Variants in ZFYVE28 observed in about 807,000 individuals in gnomAD.
The protein encoded by ZFYVE28 is zinc finger FYVE-type containing 28.
A neutral mutation model predicts 82.1 loss-of-function variants in ZFYVE28; 40 were observed. The ratio of observed to expected loss-of-function variants is 0.49; its 90% CI spans 0.38 to 0.63. The LOEUF (loss-of-function observed/expected upper bound fraction) is 0.63. Among genes scored for constraint, ZFYVE28 ranks in the 30% least tolerant of loss-of-function variants. The pLI is 0.00. For missense variants in ZFYVE28, 1,321 were observed against 1,242.1 expected (o/e 1.06, Z -0.96); for synonymous variants, 612 against 546.1 (o/e 1.12, Z -1.68).
At chr4:2,277,208 G>C (rs1046109632) in intron 8 of ZFYVE28, among the ~76,000 whole-genome samples, 14 of 152,234 alleles carry the variant, frequency 9.2e-5, no homozygotes, top group African/African-American at 3.4e-4. Context: ...CGCCGGGCGT[G>C]GTGGCTCATG....
In ZFYVE28 at chr4:2,270,568, C is replaced by A. The variant is rs1002537321; in HGVS notation, c.*157G>T. 2.1e-5 allele frequency: 23 copies of A among 1,113,270 alleles called. No homozygotes were observed. Among genetic ancestry groups the A allele is most frequent in the African/African-American group, 3.1e-5 (2 of 64,238 alleles). The allele number at this position is 1,113,270 out of a possible 1,614,324, so 69.0% of individuals were successfully genotyped here. A position where few individuals can be genotyped will look rare whatever the true frequency, so the allele number is the denominator to read the frequency against. ...CCCGGGGTCCCTGCAGGGAGGCTAG[C>A]GTGGGCAGGACAGAGGCTCTGGATG... On this transcript the variant is annotated 3_prime_UTR_variant, in exon 13 of 13. Transcript: ENST00000290974.
Position 2,373,335 on chromosome 4 carries a change from CA to C in ZFYVE28, c.40-19263del, listed in dbSNP as rs200408954. On this transcript the variant is annotated intron_variant, in intron 1 of 12. Transcript: ENST00000290974. ...CAACATAGTGAGACCTACATCTCTACAAAAAATTTAAAAATTAGCTGACTGT... is the reference window on the plus strand; with the variant it reads ...CAACATAGTGAGACCTACATCTCTACAAAAATTTAAAAATTAGCTGACTGT... 2.6e-3 allele frequency among the ~76,000 whole-genome samples: 388 copies of C among 151,850 alleles called. 10 individuals carry two copies. The East Asian group carries it at 0.063, about 25-fold the overall frequency.
At chr4:2,303,698 GGA>G (rs1458712810) in intron 8 of ZFYVE28, among the ~76,000 whole-genome samples, 2 of 152,070 alleles carry the variant, frequency 1.3e-5, no homozygotes, top group Non-Finnish European at 2.9e-5. Context: ...AGGGCAAGGA[GGA>G]GAGAGTCCTG....
intron 9 of ZFYVE28, 94 bp from the exon 10 acceptor site, chr4:2,273,383 T>A (rs1051722948): frequency 4.6e-6 from 5 of 1,087,756 alleles, no homozygotes; most frequent in Non-Finnish European, 5.4e-6. Context: ...CAGCCAGAGC[T>A]CACAGCCCAG....
chr4:2,417,366 G>A lies in ZFYVE28; in HGVS notation c.39+919C>T, dbSNP rs1403362872. 6.6e-6 allele frequency among the ~76,000 whole-genome samples: 1 copy of A among 151,514 alleles called. No individual in the cohort carries two copies. The highest frequency in any genetic ancestry group is 1.5e-5 in the Non-Finnish European group (1 of 67,816). Reference sequence around the variant, plus strand: ...CGCCGAGCGCGCCCGGCCCTGCTCCGGCTGCAGCGGGCACGAGCCCCAGGC... The same window carrying A: ...CGCCGAGCGCGCCCGGCCCTGCTCCAGCTGCAGCGGGCACGAGCCCCAGGC... On this transcript the variant is annotated intron_variant, in intron 1 of 12. Coordinates refer to ENST00000290974, the MANE Select transcript of ZFYVE28 (RefSeq NM_020972.3). The surrounding 1 kb of genome is among the most constrained non-coding windows in gnomAD (Gnocchi z 4.8).
intron 1 of ZFYVE28, among the ~76,000 whole-genome samples, chr4:2,401,544 G>C (rs875134): frequency 0.85 from 128,754 of 151,644 alleles, 54,814 homozygotes; most frequent in Admixed American, 0.9. Context: ...CCCCACCCCA[G>C]GCCCTCCCCC....
At chr4:2,330,474 G>C in intron 6 of ZFYVE28, 1 of 1,085,824 alleles carries the variant, frequency 9.2e-7, no homozygotes, top group Non-Finnish European at 1.1e-6. Context: ...ATAAAGGAGG[G>C]GACAGCATGG....
chr4:2,377,411 C>T (rs944044764), intron 1 of ZFYVE28, among the ~76,000 whole-genome samples: 1 of 152,146 alleles, frequency 6.6e-6, no homozygotes, highest in African/African-American at 2.4e-5. Context: ...CAGTTTCCAC[C>T]CTTGCAGCTG....
At chr4:2,291,771 C>T (rs1427618349) in intron 8 of ZFYVE28, among the ~76,000 whole-genome samples, 1 of 152,240 alleles carries the variant, frequency 6.6e-6, no homozygotes, top group African/African-American at 2.4e-5. Flanking sequence ...CCACTCCCCA[C>T]ACGCCTGGCT....
At chr4:2,312,751 A>AAG (rs1717664306) in intron 7 of ZFYVE28, among the ~76,000 whole-genome samples, 1 of 138,880 alleles carries the variant, frequency 7.2e-6, no homozygotes, top group Non-Finnish European at 1.6e-5. Flanking sequence ...AAAAAAAAAA[A>AAG]GAAGTGTTTT....
chr4:2,415,825 C>T (rs979748427), intron 1 of ZFYVE28, among the ~76,000 whole-genome samples: 6 of 152,192 alleles, frequency 3.9e-5, no homozygotes, highest in African/African-American at 1.4e-4. Flanking sequence ...TACTCCGACC[C>T]TTCAAACAAT....
chr4:2,412,962 ACT>A (rs35255001), intron 1 of ZFYVE28, among the ~76,000 whole-genome samples: 3,094 of 151,872 alleles, frequency 0.02, 109 homozygotes, highest in African/African-American at 0.07. Flanking sequence ...GAAGCTCTCG[ACT>A]CTCTGCCTCT....
chr4:2,271,071 C>A, intron 12 of ZFYVE28: 1 of 756,036 alleles, frequency 1.3e-6, no homozygotes, highest in South Asian at 1.8e-5. Flanking sequence ...TGTTCACACT[C>A]GCTGTCCCCT....
At chr4:2,322,928 A>G (rs1385803564) in intron 6 of ZFYVE28, among the ~76,000 whole-genome samples, 1 of 152,228 alleles carries the variant, frequency 6.6e-6, no homozygotes, top group African/African-American at 2.4e-5. Context: ...TCCCGCGCAT[A>G]CATTTCTTCA....
At chr4:2,333,121 C>G (rs1387745246) in intron 6 of ZFYVE28, among the ~76,000 whole-genome samples, 1 of 151,880 alleles carries the variant, frequency 6.6e-6, no homozygotes, top group African/African-American at 2.4e-5. Flanking sequence ...AGGGGACCCG[C>G]GGGACAAAGC....
chr4:2,350,642 A>G (rs1272236041), intron 2 of ZFYVE28, among the ~76,000 whole-genome samples: 1 of 152,076 alleles, frequency 6.6e-6, no homozygotes, highest in Middle Eastern at 3.2e-3. Flanking sequence ...GGGAAGATCA[A>G]CGCATGTTAG....
intron 1 of ZFYVE28, among the ~76,000 whole-genome samples, chr4:2,399,962 C>T (rs562795325): frequency 1.3e-5 from 2 of 152,376 alleles, no homozygotes; most frequent in South Asian, 4.1e-4. Context: ...GTCCCTCCTC[C>T]TCAGACAGGG....
intron 10 of ZFYVE28, among the ~76,000 whole-genome samples, 194 bp downstream of exon 10, chr4:2,272,979 C>G (rs370373132): frequency 2.8e-4 from 42 of 152,336 alleles, no homozygotes; most frequent in East Asian, 1.9e-3. Flanking sequence ...TGCTGTGCCC[C>G]TTGGCTCCCC....
At chr4:2,340,690 C>T (rs917236407) in intron 3 of ZFYVE28, among the ~76,000 whole-genome samples, 3 of 152,158 alleles carry the variant, frequency 2.0e-5, no homozygotes, top group East Asian at 1.9e-4. Context: ...ACCCACTCCA[C>T]GGAGGTGGAA....
Sources: allele counts gnomAD v4.1 joint callset (sites outside exome capture counted in the v4.1 genomes callset), GRCh38; gene constraint gnomAD v4.1.1; non-coding constraint Gnocchi (gnomAD v3.1); transcripts MANE v1.5; gene names NCBI Gene and HGNC (gene_info 2026-07-23, HGNC 2026-07-21).